The following ADGRL3 variants were observed in gnomAD, a reference collection of about 807,000 sequenced individuals.
The protein encoded by ADGRL3 is calcium-independent alpha-latrotoxin receptor 3.
Under a neutral mutation model 153.5 loss-of-function variants are expected in ADGRL3, and 62 were observed. The ratio of observed to expected loss-of-function variants is 0.40; its 90% CI spans 0.33 to 0.50. ADGRL3 has a LOEUF of 0.50. Among genes scored for constraint, ADGRL3 ranks in the 20% least tolerant of loss-of-function variants. The pLI is 0.47. For synonymous variants in ADGRL3, 710 were observed against 672.5 expected, an observed-to-expected ratio of 1.06 and a Z score of -0.86; for missense variants, 1,641 against 1,859.4, an observed-to-expected ratio of 0.88 and a Z score of 2.16.
At chr4:61,206,112 A>G (rs1296255327) in intron 1 of ADGRL3, among the ~76,000 whole-genome samples, 1 of 152,198 alleles carries the variant, frequency 6.6e-6, no homozygotes, top group East Asian at 1.9e-4. Context: ...TTTGCTCATA[A>G]TAGGTTCTAT....
At chr4:61,929,507 A>G (rs2098808450) in intron 13 of ADGRL3, among the ~76,000 whole-genome samples, 1 of 152,204 alleles carries the variant, frequency 6.6e-6, no homozygotes, top group South Asian at 2.1e-4. Context: ...TATACTCATC[A>G]AACTAATAAC....
chr4:61,349,187 A>G (rs998869643), intron 1 of ADGRL3, among the ~76,000 whole-genome samples: 2 of 152,072 alleles, frequency 1.3e-5, no homozygotes, highest in African/African-American at 4.8e-5. Flanking sequence ...AAAATAACAG[A>G]ACATTTTGAA....
rs146130205 is a variant in ADGRL3 at position 61,230,764 on chromosome 4, T to G, written c.-240+28999T>G. 1.3e-3 allele frequency among the ~76,000 whole-genome samples: 203 copies of G among 152,338 alleles called. 1 individual carries two copies. Among genetic ancestry groups the G allele is most frequent in the African/African-American group, 4.0e-3 (168 of 41,582 alleles). ...TGTATGAGTTTTATAGTAGTATAAC[T>G]TAACCATTTGACAATATATGACATA... On this transcript the variant is annotated intron_variant, in intron 1 of 26. Coordinates refer to ENST00000683033, the MANE Select transcript of ADGRL3 (RefSeq NM_001387552.1).
intron 5 of ADGRL3, among the ~76,000 whole-genome samples, chr4:61,605,089 CAAAAAAAAAAAAAAAA>C (rs71211396): frequency 1.6e-5 from 1 of 61,420 alleles, no homozygotes; most frequent in South Asian, 7.9e-4. Flanking sequence ...GACTCTGTCT[CAAAAAAAAAAAAAAAA>C]AAAAAAAAAG....
At position 62,072,842 on chromosome 4, in the gene ADGRL3, A is replaced by T. The variant is rs1318274779; in HGVS notation, c.*1934A>T. 6.6e-6 allele frequency: 1 copy of T among 152,156 alleles called. No homozygotes were observed. The highest frequency in any genetic ancestry group is 1.5e-5 in the Non-Finnish European group (1 of 68,018). The allele number at this position is 152,156 out of a possible 1,614,324, so 9.4% of individuals were successfully genotyped here. A position where few individuals can be genotyped will look rare whatever the true frequency, so the allele number is the denominator to read the frequency against. On this transcript the variant is annotated 3_prime_UTR_variant, in exon 27 of 27. Transcript: ENST00000683033. ...TTCCTCCTTTGTACATTGCATTTTG[A>T]TGTTAGAAATTCAAATTCCCTCAAT...
Position 62,078,065 on chromosome 4 carries a change from T to C in ADGRL3, c.*7157T>C, listed in dbSNP as rs1229505073. ...TGTCTTTCTAAAAAACAATAGTTTA[T>C]TTTTAAAACTAACAACTAATTGTGT... On this transcript the variant is annotated 3_prime_UTR_variant, in exon 27 of 27. Coordinates refer to ENST00000683033, the MANE Select transcript of ADGRL3 (RefSeq NM_001387552.1). 2.6e-5 allele frequency: 4 copies of C among 152,042 alleles called. No homozygotes were observed. Among genetic ancestry groups the C allele is most frequent in the Non-Finnish European group, 5.9e-5 (4 of 67,914 alleles). 9.4% of individuals were successfully genotyped at this position (152,042 alleles called of 1,614,324 possible). A position where few individuals can be genotyped will look rare whatever the true frequency, so the allele number is the denominator to read the frequency against.
rs778893060 is a variant in ADGRL3 at position 62,070,204 on chromosome 4, T to C, written c.3928T>C (p.Tyr1310His). 2 of 1,613,908 alleles carry C rather than the reference T, an allele frequency of 1.2e-6. No homozygotes were observed. The highest frequency in any genetic ancestry group is 1.1e-5 in the South Asian group (1 of 91,078). The change falls in exon 27 of 27, where the codon TAC (tyrosine) becomes CAC (histidine). Residue 1310 changes from tyrosine to histidine, a missense_variant. Transcript: ENST00000683033. ...TAGTTACAGCATTGCCAGCGGCGAA[T>C]ACCTGAGCAACTGTGTGCAAATCAT... The part of the protein sequence containing the change: ...GNSYSIASGE[Y>H]LSNCVQIIDR...
chr4:61,631,095 T>A (rs543702635), intron 5 of ADGRL3, among the ~76,000 whole-genome samples: 226 of 152,272 alleles, frequency 1.5e-3, no homozygotes, highest in Admixed American at 2.5e-3. Context: ...CTGTTCCTTC[T>A]CTTTTGTACT....
chr4:61,813,165 C>T (rs551998945), intron 8 of ADGRL3, among the ~76,000 whole-genome samples: 28 of 152,084 alleles, frequency 1.8e-4, no homozygotes, highest in Admixed American at 5.9e-4. Flanking sequence ...GAGGCCAAGG[C>T]GAGTGGATCA....
At chr4:61,696,623 T>C (rs988505612) in intron 6 of ADGRL3, among the ~76,000 whole-genome samples, 8 of 151,748 alleles carry the variant, frequency 5.3e-5, no homozygotes, top group African/African-American at 1.9e-4. Context: ...GAATGCCTTC[T>C]ATATGTATGA....
In ADGRL3 at chr4:62,003,032, C is replaced by T. The variant is rs144758691; in HGVS notation, c.3395+4767C>T. 2.6e-4 allele frequency among the ~76,000 whole-genome samples: 40 copies of T among 152,030 alleles called. 1 individual carries two copies. In the East Asian group the frequency reaches 4.3e-3, roughly 16 times the overall value. On this transcript the variant is annotated intron_variant, in intron 21 of 26. Coordinates refer to ENST00000683033, the MANE Select transcript of ADGRL3 (RefSeq NM_001387552.1). ...TCTATTATTGAAAAATATTAATTAA[C>T]GAATGTATTTCAAAATAATTTGCTT... is the stretch of plus-strand genomic sequence containing the variant.
chr4:61,653,376 A>C (rs1008566128), intron 5 of ADGRL3, among the ~76,000 whole-genome samples: 3 of 152,198 alleles, frequency 2.0e-5, no homozygotes, highest in Non-Finnish European at 4.4e-5. Context: ...TTGTTATGGC[A>C]GCCTGAACTG....
At chr4:61,368,309 A>G (rs544044560) in intron 1 of ADGRL3, among the ~76,000 whole-genome samples, 34 of 152,284 alleles carry the variant, frequency 2.2e-4, no homozygotes, top group Admixed American at 6.5e-4. Flanking sequence ...GCCCATGCCT[A>G]TGTCCTGAAT....
intron 1 of ADGRL3, among the ~76,000 whole-genome samples, chr4:61,285,840 TG>T (rs2093918587): frequency 6.6e-6 from 1 of 151,828 alleles, no homozygotes; most frequent in South Asian, 2.1e-4. Flanking sequence ...AGGAATCACT[TG>T]CTTTTACTTG....
At chr4:61,461,266 C>T (rs1193461743) in intron 2 of ADGRL3, among the ~76,000 whole-genome samples, 1 of 151,984 alleles carries the variant, frequency 6.6e-6, no homozygotes, top group Non-Finnish European at 1.5e-5. Flanking sequence ...TTAGTACCAA[C>T]AAACAGTTAG....
chr4:61,512,184 G>A (rs575251818), intron 3 of ADGRL3, among the ~76,000 whole-genome samples: 8 of 152,204 alleles, frequency 5.3e-5, no homozygotes, highest in Admixed American at 5.2e-4. Flanking sequence ...TCAGCCATTT[G>A]CTATTGTAAC....
intron 8 of ADGRL3, among the ~76,000 whole-genome samples, chr4:61,767,863 A>C (rs952210543): frequency 2.5e-4 from 38 of 152,218 alleles, no homozygotes; most frequent in Non-Finnish European, 4.1e-4. Flanking sequence ...CAGTGGAGGC[A>C]AGGAATTGCA....
At chr4:61,583,996 C>A (rs1314878471) in intron 4 of ADGRL3, among the ~76,000 whole-genome samples, 3 of 151,978 alleles carry the variant, frequency 2.0e-5, no homozygotes, top group Non-Finnish European at 2.9e-5. Context: ...TGGCATTTTC[C>A]ATGTTTTAGT....
intron 2 of ADGRL3, among the ~76,000 whole-genome samples, chr4:61,429,984 C>T (rs2097335451): frequency 6.6e-6 from 1 of 151,838 alleles, no homozygotes; most frequent in Non-Finnish European, 1.5e-5. Flanking sequence ...CTTAAGTGGC[C>T]CTAATGAAAG....
Sources: gnomAD v4.1 joint callset for allele counts (sites outside exome capture counted in the v4.1 genomes callset) on GRCh38, gnomAD v4.1.1 for gene constraint, MANE v1.5 for transcripts, NCBI Gene and HGNC (gene_info 2026-07-23, HGNC 2026-07-21) for gene names.